Variants in GRK1 observed in about 807,000 individuals in gnomAD.
The protein encoded by GRK1 is rhodopsin kinase GRK1.
A neutral mutation model predicts 41.7 loss-of-function variants in GRK1; 28 were observed. That is an observed-to-expected ratio of 0.67 (90% CI 0.50 to 0.92). The LOEUF (loss-of-function observed/expected upper bound fraction) is 0.92, where lower values mean the gene tolerates loss of function less well. GRK1 is among the 40% of genes least tolerant of loss of function. The probability of loss-of-function intolerance (pLI) is 0.00; values close to 1 mark genes in which losing one functional copy is unlikely to be tolerated. For missense variants in GRK1, 703 were observed against 671.2 expected, an observed-to-expected ratio of 1.05 and a Z score of -0.52; for synonymous variants, 327 against 286.7, an observed-to-expected ratio of 1.14 and a Z score of -1.42.
At chr13:113,651,133 C>T in the GRK1 span, among the ~76,000 whole-genome samples, 137 of 151,916 alleles carry the variant, frequency 9.0e-4, no homozygotes, top group Non-Finnish European at 1.6e-3. Context: ...AATGGAACCA[C>T]GCTGTGAAAC....
At chr13:113,729,814 C>T (rs1198086368) in intron 4 of GRK1, among the ~76,000 whole-genome samples, 1 of 151,522 alleles carries the variant, frequency 6.6e-6, no homozygotes, top group East Asian at 1.9e-4. Context: ...GAGACAGTTG[C>T]CACGGCTGAG....
At chr13:113,723,904 G>A (rs1386912079) in intron 4 of GRK1, among the ~76,000 whole-genome samples, 1 of 150,980 alleles carries the variant, frequency 6.6e-6, no homozygotes, top group Admixed American at 6.6e-5. Flanking sequence ...GTACCTGTAT[G>A]TGCATGCCTG....
chr13:113,735,016 G>A (rs931693165), intron 6 of GRK1, 52 bp from the exon 7 acceptor site: 199 of 1,439,684 alleles, frequency 1.4e-4, no homozygotes, highest in Admixed American at 5.1e-4. Flanking sequence ...GCTAAACGGC[G>A]CTTCCTTCCC....
intron 3 of GRK1, among the ~76,000 whole-genome samples, chr13:113,672,154 C>T (rs941740881): frequency 7.2e-5 from 11 of 151,898 alleles, no homozygotes; most frequent in Admixed American, 2.6e-4. Flanking sequence ...TGTCAGTGTG[C>T]GTGGTGTGTG....
chr13:113,655,684 C>T, the GRK1 span, among the ~76,000 whole-genome samples: 1 of 148,312 alleles, frequency 6.7e-6, no homozygotes, highest in Non-Finnish European at 1.5e-5. Flanking sequence ...AGGGAGACAC[C>T]GGCAGGAAGA....
At position 113,731,693 on chromosome 13, in the gene GRK1, C is replaced by T. The variant is rs1040418542; in HGVS notation, c.1194+350C>T. On this transcript the variant is annotated intron_variant, in intron 5 of 6. Coordinates refer to ENST00000335678, the MANE Select transcript of GRK1 (RefSeq NM_002929.3). This position sits in a 1 kb window ranked among gnomAD's most constrained non-coding sequence, Gnocchi z 5.6. ...CTGGTGCAGACCGGAGGAGGGAGGG[C>T]GACTTATCCCACTGTTGCCCCAGAC... is the stretch of plus-strand genomic sequence containing the variant. Among the ~76,000 whole-genome samples, 2 of 152,116 alleles carry T rather than the reference C, an allele frequency of 1.3e-5. No individual in the cohort carries two copies. Among genetic ancestry groups the T allele is most frequent in the Non-Finnish European group, 1.5e-5 (1 of 68,000 alleles).
chr13:113,649,419 G>A, the GRK1 span: 3 of 1,589,326 alleles, frequency 1.9e-6, no homozygotes, highest in Admixed American at 5.2e-5. The surrounding 1 kb of genome is among the most constrained non-coding windows in gnomAD (Gnocchi z 4.7). Context: ...CTTCATACGG[G>A]TCGTGGGGAT....
the GRK1 span, among the ~76,000 whole-genome samples, chr13:113,656,941 G>T: frequency 6.6e-6 from 1 of 152,092 alleles, no homozygotes; most frequent in Non-Finnish European, 1.5e-5. Flanking sequence ...CCGCTCTGCC[G>T]CCCCGCCTGG....
Position 113,733,895 on chromosome 13 carries a change from G to A in GRK1, c.1396+810G>A, listed in dbSNP as rs1421751684. The stretch of plus-strand genomic sequence containing the variant: ...CGTGTGTGCATACGTGTGTGCGTGT[G>A]TGTATGTGTGCATACAGTGTGCGTG... On this transcript the variant is annotated intron_variant, in intron 6 of 6. Coordinates refer to ENST00000335678, the MANE Select transcript of GRK1 (RefSeq NM_002929.3). 4.3e-4 allele frequency among the ~76,000 whole-genome samples: 50 copies of A among 117,538 alleles called. No individual in the cohort carries two copies. In the East Asian group the frequency reaches 5.5e-3, roughly 13 times the overall value. 77.1% of individuals were successfully genotyped at this position (117,538 alleles called of 152,430 possible). A position where few individuals can be genotyped will look rare whatever the true frequency, so the allele number is the denominator to read the frequency against.
Position 113,671,743 on chromosome 13 carries a change from G to A in GRK1, c.985+87G>A. The A allele has an allele frequency of 1.4e-6, 1 of 693,548 alleles. No homozygotes were observed. Among genetic ancestry groups the A allele is most frequent in the Admixed American group, 2.0e-5 (1 of 49,838 alleles). The allele number at this position is 693,548 out of a possible 1,614,324, so 43.0% of individuals were successfully genotyped here. On this transcript the variant is annotated intron_variant, in intron 3 of 6. Coordinates refer to ENST00000335678, the MANE Select transcript of GRK1 (RefSeq NM_002929.3). This position sits in a 1 kb window ranked among gnomAD's most constrained non-coding sequence, Gnocchi z 4.1. ...TGGGGGTCTCTGCACAACCTCACGA[G>A]GGCTGACGGCTGTGTGGACGGTGGG...
At chr13:113,652,273 G>C in the GRK1 span, among the ~76,000 whole-genome samples, 1 of 152,246 alleles carries the variant, frequency 6.6e-6, no homozygotes, top group African/African-American at 2.4e-5. Flanking sequence ...CATGCCGGCA[G>C]TGCTGAGACC....
intron 4 of GRK1, among the ~76,000 whole-genome samples, chr13:113,726,929 T>C (rs371111175): frequency 1.3e-5 from 2 of 152,202 alleles, no homozygotes; most frequent in African/African-American, 4.8e-5. Context: ...AGCCTGGCCC[T>C]CAGGCACGGT....
In GRK1 at chr13:113,733,977, CGCATGTGTGT is replaced by C. The variant is rs1392827526; in HGVS notation, c.1396+897_1396+906del. On this transcript the variant is annotated intron_variant, in intron 6 of 6. Transcript: ENST00000335678. ...GTGCATACGTGTGTGTGCGTGTGTGCGCATGTGTGTGCATACATGTGTGTGCGTGTGCGTG... is the reference window on the plus strand; with the variant it reads ...GTGCATACGTGTGTGTGCGTGTGTGCGCATACATGTGTGTGCGTGTGCGTG... 6.5e-5 allele frequency among the ~76,000 whole-genome samples: 7 copies of C among 107,154 alleles called. No individual in the cohort carries two copies. The East Asian group carries it at 8.5e-4, about 13-fold the overall frequency. The allele number at this position is 107,154 out of a possible 152,430, so 70.3% of individuals were successfully genotyped here.
chr13:113,649,516 A>C, the GRK1 span: 1 of 1,537,980 alleles, frequency 6.5e-7, no homozygotes, highest in East Asian at 2.5e-5. This position sits in a 1 kb window ranked among gnomAD's most constrained non-coding sequence, Gnocchi z 4.7. Context: ...CGCTGCCACC[A>C]GGGGGTTGCT....
chr13:113,660,628 G>A, the GRK1 span, among the ~76,000 whole-genome samples: 6 of 152,218 alleles, frequency 3.9e-5, no homozygotes, highest in South Asian at 8.3e-4. Flanking sequence ...GCTTTGGGAG[G>A]CTGGACTGAG....
chr13:113,733,582 C>T (rs2049956304), intron 6 of GRK1, among the ~76,000 whole-genome samples: 1 of 145,908 alleles, frequency 6.9e-6, no homozygotes, highest in Non-Finnish European at 1.5e-5. Context: ...TATGTGTGTG[C>T]ATACGTGTGT....
upstream of GRK1, among the ~76,000 whole-genome samples, chr13:113,666,714 T>C (rs1194362067): frequency 6.6e-6 from 1 of 152,166 alleles, no homozygotes; most frequent in East Asian, 1.9e-4. Context: ...GACTGGGAAC[T>C]GACCCCTCAG....
the GRK1 span, among the ~76,000 whole-genome samples, chr13:113,656,308 G>A: frequency 1.3e-5 from 2 of 152,164 alleles, no homozygotes; most frequent in African/African-American, 2.4e-5. Flanking sequence ...CTGTTCCCCC[G>A]CTGTGGGTCC....
At position 113,667,694 on chromosome 13, in the gene GRK1, A is replaced by G; in HGVS notation, c.308A>G (p.Gln103Arg). The G allele has an allele frequency of 6.2e-7, 1 of 1,613,794 alleles. No individual in the cohort carries two copies. Residue 103 changes from glutamine to arginine, a missense_variant, in exon 1 of 7, where the codon CAG becomes CGG. Gln to Arg is a conservative substitution (Grantham distance 43). Coordinates refer to ENST00000335678, the MANE Select transcript of GRK1 (RefSeq NM_002929.3). The surrounding 1 kb of genome is among the most constrained non-coding windows in gnomAD (Gnocchi z 7.5). ...TATGACACGGCAGACAATGACCTCC[A>G]GCCACAGAAGGCCCAGACCATCCTG... ...EDYDTADNDL[Q>R]PQKAQTILAQ...
Sources: gnomAD v4.1 joint callset for allele counts (sites outside exome capture counted in the v4.1 genomes callset) on GRCh38, gnomAD v4.1.1 for gene constraint, Gnocchi (gnomAD v3.1) non-coding constraint, MANE v1.5 for transcripts, NCBI Gene and HGNC (gene_info 2026-07-23, HGNC 2026-07-21) for gene names.